COL22A1: variants seen among roughly 807,000 people sequenced by gnomAD.
COL22A1 encodes collagen alpha-1(XXII) chain.
A neutral mutation model predicts 248.9 loss-of-function variants in COL22A1; 221 were observed. That is an observed-to-expected ratio of 0.89 (90% CI 0.80 to 0.99). COL22A1 has a LOEUF of 0.99. Among genes scored for constraint, COL22A1 ranks in the 50% least tolerant of loss-of-function variants. The probability of loss-of-function intolerance (pLI) is 0.00; values close to 1 mark genes in which losing one functional copy is unlikely to be tolerated. For synonymous variants in COL22A1, 891 were observed against 793.4 expected, an observed-to-expected ratio of 1.12 and a Z score of -2.07; for missense variants, 2,240 against 2,179.0, an observed-to-expected ratio of 1.03 and a Z score of -0.56.
chr8:138,697,688 C>A (rs1409367680), intron 32 of COL22A1, among the ~76,000 whole-genome samples: 1 of 152,190 alleles, frequency 6.6e-6, no homozygotes, highest in Non-Finnish European at 1.5e-5. Context: ...TCTCTTCCTT[C>A]ATTATGCGGC....
rs565573605 is a variant in COL22A1 at position 138,769,785 on chromosome 8, C to A, written c.1803+6181G>T. Among the ~76,000 whole-genome samples the A allele has an allele frequency of 3.3e-5, 5 of 152,320 alleles. No homozygotes were observed. The East Asian group carries it at 9.7e-4, about 29-fold the overall frequency. On this transcript the variant is annotated intron_variant, in intron 16 of 64. Transcript: ENST00000303045. ...CATGACACTGCCAACCCCTCAAAAG[C>A]AACACAAATTGGGGGTGAGACTTAT...
intron 48 of COL22A1, among the ~76,000 whole-genome samples, chr8:138,636,205 T>C (rs141830800): frequency 1.3e-5 from 2 of 151,872 alleles, no homozygotes; most frequent in African/African-American, 2.4e-5. Context: ...TAGAGGATGA[T>C]AGGTAGGCCA....
At chr8:138,833,584 G>A (rs763374714) in intron 4 of COL22A1, among the ~76,000 whole-genome samples, 3 of 152,344 alleles carry the variant, frequency 2.0e-5, no homozygotes, top group Middle Eastern at 6.8e-3. Flanking sequence ...TGGACTTTAC[G>A]TGGGTAACAG....
chr8:138,820,406 G>A (rs945801400), intron 7 of COL22A1, among the ~76,000 whole-genome samples: 11 of 152,010 alleles, frequency 7.2e-5, no homozygotes, highest in African/African-American at 2.2e-4. Context: ...ACATACTTAC[G>A]GTGTATGCAT....
At chr8:138,685,397 A>G (rs1443568781) in intron 37 of COL22A1, 85 bp from the exon 38 acceptor site, 34 of 1,098,766 alleles carry the variant, frequency 3.1e-5, no homozygotes, top group South Asian at 2.9e-4. Context: ...GTAGGTTTGT[A>G]GGTTTCCTGG....
At chr8:138,614,203 AATAAG>A (rs371440494) in intron 55 of COL22A1, among the ~76,000 whole-genome samples, 58 of 152,298 alleles carry the variant, frequency 3.8e-4, no homozygotes, top group African/African-American at 1.3e-3. Context: ...TCCATCTTGA[AATAAG>A]ATAAGCAATC....
intron 50 of COL22A1, among the ~76,000 whole-genome samples, chr8:138,628,859 T>A (rs11782113): frequency 0.74 from 111,562 of 150,432 alleles, 43,243 homozygotes; most frequent in Middle Eastern, 0.86. Flanking sequence ...TCCACCTCCC[T>A]GGTTCAAGTG....
chr8:138,607,753 T>C (rs1818536991), intron 57 of COL22A1, among the ~76,000 whole-genome samples, 183 bp downstream of exon 57: 1 of 152,214 alleles, frequency 6.6e-6, no homozygotes, highest in African/African-American at 2.4e-5. Flanking sequence ...TCGCATGATA[T>C]ATACTTTAAA....
chr8:138,664,203 GCGCGCGCACACACACACACA>G (rs1564164148), intron 41 of COL22A1, among the ~76,000 whole-genome samples: 1 of 90,180 alleles, frequency 1.1e-5, no homozygotes, highest in African/African-American at 4.1e-5. Flanking sequence ...GTGCGCGCGC[GCGCGCGCACACACACACACA>G]CACACACACA....
intron 3 of COL22A1, among the ~76,000 whole-genome samples, chr8:138,853,859 A>G (rs921045994): frequency 7.2e-5 from 11 of 152,184 alleles, no homozygotes; most frequent in South Asian, 4.1e-4. Flanking sequence ...AGAACTCATT[A>G]ATACCCAGAA....
intron 3 of COL22A1, among the ~76,000 whole-genome samples, chr8:138,866,248 A>C (rs1822884005): frequency 6.6e-6 from 1 of 152,220 alleles, no homozygotes; most frequent in Non-Finnish European, 1.5e-5. Context: ...AAGACATCGC[A>C]TAACCCCGTA....
chr8:138,744,153 T>G (rs1384241317), intron 22 of COL22A1, among the ~76,000 whole-genome samples: 1 of 152,060 alleles, frequency 6.6e-6, no homozygotes, highest in Non-Finnish European at 1.5e-5. Flanking sequence ...TGTTACCACC[T>G]GGTAGAGCAG....
At chr8:138,660,559 C>A in intron 43 of COL22A1, 79 bp from the exon 44 acceptor site, 1 of 1,273,934 alleles carries the variant, frequency 7.8e-7, no homozygotes, top group African/African-American at 1.5e-5. Flanking sequence ...CTCTGCCAAT[C>A]TCTCTATCTG....
intron 1 of COL22A1, among the ~76,000 whole-genome samples, chr8:138,886,079 G>A (rs1824643467): frequency 6.6e-6 from 1 of 152,158 alleles, no homozygotes; most frequent in Non-Finnish European, 1.5e-5. Context: ...GCTGATATCT[G>A]GATGCTTACA....
intron 49 of COL22A1, among the ~76,000 whole-genome samples, chr8:138,632,071 T>G (rs545065581): frequency 8.5e-5 from 13 of 152,330 alleles, no homozygotes; most frequent in African/African-American, 3.1e-4. Context: ...TAGCTTTGGT[T>G]GAGTCATGTA....
chr8:138,639,560 TC>T (rs1050517441), intron 47 of COL22A1, among the ~76,000 whole-genome samples: 5 of 152,184 alleles, frequency 3.3e-5, no homozygotes, highest in Non-Finnish European at 4.4e-5. Flanking sequence ...AGGGCTTAAT[TC>T]CCCCTGTTGA....
chr8:138,787,783 C>A (rs775935369), intron 12 of COL22A1, among the ~76,000 whole-genome samples: 29 of 152,140 alleles, frequency 1.9e-4, no homozygotes, highest in Non-Finnish European at 3.8e-4. Flanking sequence ...CCCTCCACCA[C>A]ATACAAACTC....
intron 25 of COL22A1, among the ~76,000 whole-genome samples, chr8:138,724,195 A>T (rs1470526001): frequency 6.6e-6 from 1 of 152,188 alleles, no homozygotes; most frequent in Non-Finnish European, 1.5e-5. Flanking sequence ...CAGGTCTCTC[A>T]GTTTGCAAGG....
chr8:138,827,116 G>A (rs565706572), intron 5 of COL22A1: 43 of 316,250 alleles, frequency 1.4e-4, no homozygotes, highest in African/African-American at 7.2e-4. Context: ...AATATGGAGA[G>A]ACACCCAGCT....
Sources: allele counts gnomAD v4.1 joint callset (sites outside exome capture counted in the v4.1 genomes callset), GRCh38; gene constraint gnomAD v4.1.1; transcripts MANE v1.5; gene names NCBI Gene and HGNC (gene_info 2026-07-23, HGNC 2026-07-21).